PDE11A: variants seen among roughly 807,000 people sequenced by gnomAD.
PDE11A encodes the protein dual 3',5'-cyclic-AMP and -GMP phosphodiesterase 11A.
Under a neutral mutation model 100.5 loss-of-function variants are expected in PDE11A, and 100 were observed. The ratio of observed to expected loss-of-function variants is 1.00; its 90% confidence interval spans 0.85 to 1.18. The LOEUF is 1.18. PDE11A is among the 50% of genes most tolerant of loss of function. The pLI is 0.00. For missense variants in PDE11A, 1,141 were observed against 1,152.6 expected (o/e 0.99, Z 0.15); for synonymous variants, 381 against 420.8 (o/e 0.91, Z 1.16).
chr2:178,059,902 G>A (rs1024544927), intron 1 of PDE11A, among the ~76,000 whole-genome samples: 3 of 152,218 alleles, frequency 2.0e-5, no homozygotes, highest in African/African-American at 4.8e-5. Flanking sequence ...TGGGACTGGG[G>A]CTGGGGCCCA....
At chr2:177,930,702 C>T (rs528464046) in intron 2 of PDE11A, among the ~76,000 whole-genome samples, 6 of 152,308 alleles carry the variant, frequency 3.9e-5, no homozygotes, top group East Asian at 3.9e-4. Flanking sequence ...AGGACAGCCA[C>T]GGAAATGGCC....
intron 19 of PDE11A, among the ~76,000 whole-genome samples, chr2:177,654,892 G>A (rs1390774648): frequency 6.6e-6 from 1 of 151,984 alleles, no homozygotes; most frequent in Non-Finnish European, 1.5e-5. Flanking sequence ...ACGAAGAAGA[G>A]AGGCTCATGA....
At chr2:177,650,775 T>C (rs1368406678) in intron 19 of PDE11A, among the ~76,000 whole-genome samples, 1 of 152,200 alleles carries the variant, frequency 6.6e-6, no homozygotes, top group Non-Finnish European at 1.5e-5. Flanking sequence ...CATTATCAAG[T>C]CAGGTCACTT....
chr2:177,693,234 C>T (rs1002167787), intron 15 of PDE11A, among the ~76,000 whole-genome samples: 1 of 152,178 alleles, frequency 6.6e-6, no homozygotes. Flanking sequence ...GCACTTCACA[C>T]ATGACTTCAT....
chr2:177,845,333 C>T (rs1290418991), intron 5 of PDE11A, among the ~76,000 whole-genome samples: 5 of 141,758 alleles, frequency 3.5e-5, no homozygotes, highest in African/African-American at 8.0e-5. Flanking sequence ...CGGGCAGAGT[C>T]GCTCCTCACC....
intron 1 of PDE11A, chr2:178,105,811 C>G: frequency 1.4e-6 from 1 of 724,660 alleles, no homozygotes; most frequent in Non-Finnish European, 1.9e-6. Context: ...GCCCAGCCAA[C>G]TGGGACCTTG....
intron 19 of PDE11A, among the ~76,000 whole-genome samples, chr2:177,643,583 C>T (rs2080177739): frequency 1.3e-5 from 2 of 152,110 alleles, no homozygotes; most frequent in South Asian, 4.2e-4. Flanking sequence ...TGTAGGCTGA[C>T]AATGCAATAG....
Position 177,873,242 on chromosome 2 carries a change from A to G in PDE11A, c.1367+2617T>C, listed in dbSNP as rs528388866. Among the ~76,000 whole-genome samples, 6 of 152,338 alleles carry G rather than the reference A, an allele frequency of 3.9e-5. No homozygotes were observed. In the East Asian group the frequency reaches 1.2e-3, roughly 29 times the overall value. ...ATTAGGACTTCAAAAGTTGTGTTTT[A>G]ATAACTACATAAAGCTTCCCCTCTC... On this transcript the variant is annotated intron_variant, in intron 5 of 19. Transcript: ENST00000286063.
At chr2:177,851,942 T>C (rs2083718397) in intron 5 of PDE11A, among the ~76,000 whole-genome samples, 1 of 152,086 alleles carries the variant, frequency 6.6e-6, no homozygotes, top group Non-Finnish European at 1.5e-5. Flanking sequence ...ACTGTTCCCC[T>C]CTAGGTGTCC....
chr2:177,993,298 T>A (rs2086026664), intron 2 of PDE11A, among the ~76,000 whole-genome samples: 1 of 152,118 alleles, frequency 6.6e-6, no homozygotes, highest in African/African-American at 2.4e-5. Flanking sequence ...AAATAATTAA[T>A]TGTGCAACCT....
chr2:177,842,867 TG>T (rs33997176), intron 5 of PDE11A, among the ~76,000 whole-genome samples: 31,538 of 152,058 alleles, frequency 0.21, 3,352 homozygotes, highest in Middle Eastern at 0.25. Flanking sequence ...GCCTGGGACA[TG>T]TTCATTTTTG....
At chr2:177,736,487 G>C (rs965442104) in intron 10 of PDE11A, among the ~76,000 whole-genome samples, 1 of 151,634 alleles carries the variant, frequency 6.6e-6, no homozygotes, top group African/African-American at 2.4e-5. Context: ...ACTCCAGCAG[G>C]GGTGACAGAG....
At chr2:177,883,193 T>G (rs1291660781) in intron 4 of PDE11A, among the ~76,000 whole-genome samples, 1 of 150,434 alleles carries the variant, frequency 6.6e-6, no homozygotes, top group Non-Finnish European at 1.5e-5. Flanking sequence ...CGTTTGAATC[T>G]GGGAAGTGGA....
At chr2:177,855,896 C>A (rs192193945) in intron 5 of PDE11A, among the ~76,000 whole-genome samples, 10 of 126,026 alleles carry the variant, frequency 7.9e-5, no homozygotes, top group East Asian at 2.5e-4. Context: ...ACATCTAGAA[C>A]GTATGCAACA....
chr2:178,019,711 G>C (rs1026055552), intron 1 of PDE11A, among the ~76,000 whole-genome samples: 1 of 152,182 alleles, frequency 6.6e-6, no homozygotes, highest in African/African-American at 2.4e-5. Context: ...AGGGTAAAGA[G>C]AAGTAGACAA....
intron 2 of PDE11A, among the ~76,000 whole-genome samples, chr2:177,942,912 TTC>T (rs548013199): frequency 2.5e-4 from 38 of 152,166 alleles, no homozygotes; most frequent in Admixed American, 1.9e-3. Context: ...TCCTTTTACT[TTC>T]TGTTTCTATG....
intron 12 of PDE11A, among the ~76,000 whole-genome samples, chr2:177,726,646 G>C (rs2105445849): frequency 7.3e-6 from 1 of 137,460 alleles, no homozygotes; most frequent in Middle Eastern, 3.7e-3. Context: ...TTAATAGGCA[G>C]AAAATGAGGC....
intron 2 of PDE11A, among the ~76,000 whole-genome samples, chr2:178,090,448 C>G (rs566715792): frequency 6.6e-6 from 1 of 152,056 alleles, no homozygotes; most frequent in Non-Finnish European, 1.5e-5. Flanking sequence ...TGGAAATCTA[C>G]TTAATATTTC....
intron 19 of PDE11A, among the ~76,000 whole-genome samples, chr2:177,661,062 T>C (rs2080479055): frequency 6.6e-6 from 1 of 152,150 alleles, no homozygotes; most frequent in Non-Finnish European, 1.5e-5. Flanking sequence ...ATCCCAGCTC[T>C]CTCTATGAGA....
Sources: gnomAD v4.1 joint callset for allele counts (sites outside exome capture counted in the v4.1 genomes callset) on GRCh38, gnomAD v4.1.1 for gene constraint, MANE v1.5 for transcripts, NCBI Gene and HGNC (gene_info 2026-07-23, HGNC 2026-07-21) for gene names.